The following DNAJB12 variants were observed in gnomAD, a reference collection of about 807,000 sequenced individuals.
DNAJB12 encodes the protein dnaJ homolog subfamily B member 12.
A neutral mutation model predicts 40.6 loss-of-function variants in DNAJB12; 14 were observed. The observed-to-expected ratio is 0.34, with a 90% CI of 0.23 to 0.54. The LOEUF (loss-of-function observed/expected upper bound fraction) is 0.54, where lower values mean the gene tolerates loss of function less well. DNAJB12 is among the 20% of genes least tolerant of loss of function. The probability of loss-of-function intolerance (pLI) is 0.92; values close to 1 mark genes in which losing one functional copy is unlikely to be tolerated. For missense variants in DNAJB12, 444 were observed against 501.7 expected (o/e 0.89, Z 1.10); for synonymous variants, 181 against 199.5 (o/e 0.91, Z 0.78).
intron 1 of DNAJB12, among the ~76,000 whole-genome samples, chr10:72,349,093 A>G (rs1472012264): frequency 6.6e-6 from 1 of 152,196 alleles, no homozygotes; most frequent in Non-Finnish European, 1.5e-5. Flanking sequence ...TAGAAGAGAC[A>G]TCAAATTCAG....
Position 72,335,646 on chromosome 10 carries a change from C to T in DNAJB12, c.*30+134G>A. 7.0e-7 allele frequency: 1 copy of T among 1,432,946 alleles called. No individual in the cohort carries two copies. The highest frequency in any genetic ancestry group is 2.6e-5 in the East Asian group (1 of 39,070). 88.8% of individuals were successfully genotyped at this position (1,432,946 alleles called of 1,614,324 possible). A position where few individuals can be genotyped will look rare whatever the true frequency, so the allele number is the denominator to read the frequency against. On this transcript the variant is annotated intron_variant, in intron 8 of 8. Transcript: ENST00000444643. The surrounding 1 kb of genome is among the most constrained non-coding windows in gnomAD (Gnocchi z 4.4). The stretch of plus-strand genomic sequence containing the variant: ...CCCACAGCTGCTCGGTCTCTGGAGG[C>T]TGGAGGTCAGGCTGGGGACAGGAGT...
chr10:72,335,674 T>C lies in DNAJB12; in HGVS notation c.*30+106A>G. 1 of 1,470,828 alleles carries C rather than the reference T, an allele frequency of 6.8e-7. No individual in the cohort carries two copies. Among genetic ancestry groups the C allele is most frequent in the East Asian group, 2.5e-5 (1 of 40,440 alleles). The allele number at this position is 1,470,828 out of a possible 1,614,324, so 91.1% of individuals were successfully genotyped here. On this transcript the variant is annotated intron_variant, in intron 8 of 8. Coordinates refer to ENST00000444643, the MANE Select transcript of DNAJB12 (RefSeq NM_017626.7). The surrounding 1 kb of genome is among the most constrained non-coding windows in gnomAD (Gnocchi z 4.4). ...GAGGTCAGGCTGGGGACAGGAGTCT[T>C]TGCCACAATCACCAGGCTTCCTCCC... is the stretch of plus-strand genomic sequence containing the variant.
Position 72,343,438 on chromosome 10 carries a change from CCTT to C in DNAJB12, c.382_384del (p.Lys128del). On this transcript the variant is annotated inframe_deletion, in exon 3 of 9. Transcript: ENST00000444643. ...AATTTGAGGGCCAGTCTGCGGTAGG[CCTT>C]CTTCAGGTCCTCATCCGAGGCCCCT... is the stretch of plus-strand genomic sequence containing the variant. 1 of 1,614,212 alleles carries C rather than the reference CCTT, an allele frequency of 6.2e-7. No homozygotes were observed. Among genetic ancestry groups the C allele is most frequent in the Non-Finnish European group, 8.5e-7 (1 of 1,180,028 alleles).
At chr10:72,342,375 CG>C (rs1449181654) in intron 3 of DNAJB12, among the ~76,000 whole-genome samples, 2 of 152,244 alleles carry the variant, frequency 1.3e-5, no homozygotes, top group African/African-American at 4.8e-5. Context: ...ATAAGGAGCG[CG>C]GAATCGTCTC....
intron 3 of DNAJB12, among the ~76,000 whole-genome samples, chr10:72,342,495 G>T (rs1861666388): frequency 6.6e-6 from 1 of 152,184 alleles, no homozygotes; most frequent in Non-Finnish European, 1.5e-5. Flanking sequence ...GGGCTACCTT[G>T]CTTCCCCCCA....
chr10:72,334,480 TGA>T lies in DNAJB12; in HGVS notation c.*166_*167del. On this transcript the variant is annotated 3_prime_UTR_variant, in exon 9 of 9. Transcript: ENST00000444643. ...CTAAGAGCTTTCTGCATTTACTGGG[TGA>T]GAGAGAGGGCAGCTGTGCAGCGTTC... 3 of 1,320,852 alleles carry T rather than the reference TGA, an allele frequency of 2.3e-6. No individual in the cohort carries two copies. Among genetic ancestry groups the T allele is most frequent in the Admixed American group, 2.0e-5 (1 of 50,436 alleles). The allele number at this position is 1,320,852 out of a possible 1,614,324, so 81.8% of individuals were successfully genotyped here.
intron 1 of DNAJB12, among the ~76,000 whole-genome samples, chr10:72,350,258 G>C (rs1268776306): frequency 1.3e-5 from 2 of 151,944 alleles, no homozygotes; most frequent in Admixed American, 6.6e-5. Flanking sequence ...AATTAGCCAG[G>C]TGTGGTGGCA....
chr10:72,339,921 G>C (rs1481216549), intron 5 of DNAJB12, among the ~76,000 whole-genome samples: 1 of 151,912 alleles, frequency 6.6e-6, no homozygotes, highest in East Asian at 2.0e-4. Flanking sequence ...ATGTTGGCCA[G>C]ACTGCTCTCA....
chr10:72,354,819 C>T lies in DNAJB12; in HGVS notation c.79G>A (p.Ala27Thr). 1 of 1,614,024 alleles carries T rather than the reference C, an allele frequency of 6.2e-7. No homozygotes were observed. Among genetic ancestry groups the T allele is most frequent in the Non-Finnish European group, 8.5e-7 (1 of 1,179,910 alleles). The stretch of plus-strand genomic sequence containing the variant: ...TGTGCCTTCTCCAGGAAGCGGAGCG[C>T]CCGGTCGGGCTGGTTGCTCTGGATG... ...KAIQSNQPDR[A>T]LRFLEKAQRL... is the part of the protein sequence containing the mutation. The change falls in exon 1 of 9, where the codon GCG (alanine) becomes ACG (threonine). Residue 27 changes from alanine (A) to threonine (T), a missense_variant. By Grantham distance (58) the Ala-to-Thr change is moderately conservative. Transcript: ENST00000444643.
intron 1 of DNAJB12, among the ~76,000 whole-genome samples, chr10:72,347,613 T>C (rs1290635361): frequency 6.6e-6 from 1 of 152,234 alleles, no homozygotes; most frequent in Non-Finnish European, 1.5e-5. Flanking sequence ...GGCAGCATCA[T>C]GGCTATTGAA....
At chr10:72,345,953 A>G (rs992846196) in intron 1 of DNAJB12, among the ~76,000 whole-genome samples, 4 of 152,054 alleles carry the variant, frequency 2.6e-5, no homozygotes, top group Non-Finnish European at 5.9e-5. Context: ...TACATGAACA[A>G]AATTAATTTT....
chr10:72,343,301 C>A, intron 3 of DNAJB12, 65 bp downstream of exon 3: 1 of 1,557,926 alleles, frequency 6.4e-7, no homozygotes, highest in Non-Finnish European at 8.7e-7. Flanking sequence ...TGTCTTGGTC[C>A]CTTACTCCCT....
At chr10:72,334,671 C>T in intron 8 of DNAJB12, 54 bp from the exon 9 acceptor site, 2 of 1,507,766 alleles carry the variant, frequency 1.3e-6, no homozygotes, top group East Asian at 5.1e-5. Context: ...ACCGGCTCCT[C>T]TAGCTTATGC....
chr10:72,353,379 C>T (rs1861981957), intron 1 of DNAJB12: 1 of 152,280 alleles, frequency 6.6e-6, no homozygotes, highest in Non-Finnish European at 1.5e-5. Context: ...AAACCCTCTC[C>T]AAGGGGAGGC....
chr10:72,337,960 CAT>C (rs1325490881), intron 6 of DNAJB12, among the ~76,000 whole-genome samples: 4 of 152,110 alleles, frequency 2.6e-5, no homozygotes, highest in East Asian at 1.9e-4. Flanking sequence ...TGTGTGTGCA[CAT>C]GTGTGCATAG....
At position 72,335,592 on chromosome 10, in the gene DNAJB12, C is replaced by T. The variant is rs888042907; in HGVS notation, c.*30+188G>A. ...TGGGGAGGACAGCATCGCTAGAGGG[C>T]GGAAACCGACCTTGGTTTCCCAGCA... On this transcript the variant is annotated intron_variant, in intron 8 of 8. Transcript: ENST00000444643. The surrounding 1 kb of genome is among the most constrained non-coding windows in gnomAD (Gnocchi z 4.4). 8.4e-5 allele frequency: 116 copies of T among 1,380,348 alleles called. 1 individual carries two copies. The highest frequency in any genetic ancestry group is 4.2e-4 in the South Asian group (27 of 64,510). The allele number at this position is 1,380,348 out of a possible 1,614,324, so 85.5% of individuals were successfully genotyped here.
chr10:72,334,482 A>T lies in DNAJB12; in HGVS notation c.*166T>A. 2 of 1,326,538 alleles carry T rather than the reference A, an allele frequency of 1.5e-6. No individual in the cohort carries two copies. The highest frequency in any genetic ancestry group is 2.1e-6 in the Non-Finnish European group (2 of 957,186). 82.2% of individuals were successfully genotyped at this position (1,326,538 alleles called of 1,614,324 possible). On this transcript the variant is annotated 3_prime_UTR_variant, in exon 9 of 9. Coordinates refer to ENST00000444643, the MANE Select transcript of DNAJB12 (RefSeq NM_017626.7). The stretch of plus-strand genomic sequence containing the variant: ...AAGAGCTTTCTGCATTTACTGGGTG[A>T]GAGAGAGGGCAGCTGTGCAGCGTTC...
rs142855784 is a variant in DNAJB12 at position 72,354,778 on chromosome 10, C to T, written c.120G>A (p.Thr40=). Residue 40 remains threonine, a synonymous_variant, in exon 1 of 9, where the codon ACG becomes ACA. Transcript: ENST00000444643. ...FLEKAQRLYP[T]PRVRALIESL... is the part of the protein sequence containing the mutation. ...CCTCACACTCACCGCGAACTCGCGG[C>T]GTCGGATACAGCCGCTGTGCCTTCT... 3 of 1,612,506 alleles carry T rather than the reference C, an allele frequency of 1.9e-6. No individual in the cohort carries two copies. The highest frequency in any genetic ancestry group is 1.7e-6 in the Non-Finnish European group (2 of 1,179,378).
chr10:72,353,029 G>T (rs979087100), intron 1 of DNAJB12, among the ~76,000 whole-genome samples: 1 of 152,200 alleles, frequency 6.6e-6, no homozygotes. Context: ...AAGTTTACAC[G>T]GATGCATAAG....
Sources: gnomAD v4.1 joint callset for allele counts (sites outside exome capture counted in the v4.1 genomes callset) on GRCh38, gnomAD v4.1.1 for gene constraint, Gnocchi (gnomAD v3.1) non-coding constraint, MANE v1.5 for transcripts, NCBI Gene and HGNC (gene_info 2026-07-23, HGNC 2026-07-21) for gene names.